PLCE1: variants seen among roughly 807,000 people sequenced by gnomAD.
PLCE1 encodes the protein 1-phosphatidylinositol 4,5-bisphosphate phosphodiesterase epsilon-1.
In PLCE1, 119 loss-of-function variants were observed where a neutral mutation model predicts 242.8. The observed-to-expected ratio is 0.49, with a 90% CI of 0.42 to 0.57. PLCE1 has a LOEUF of 0.57. PLCE1 is among the 20% of genes least tolerant of loss of function. PLCE1 has a pLI of 0.00. For synonymous variants in PLCE1, 945 were observed against 1,017.4 expected (o/e 0.93, Z 1.35); for missense variants, 2,441 against 2,788.8 (o/e 0.88, Z 2.81).
At chr10:94,169,469 G>A (rs542198278) in intron 3 of PLCE1, among the ~76,000 whole-genome samples, 2 of 152,114 alleles carry the variant, frequency 1.3e-5, no homozygotes, top group South Asian at 4.1e-4. Flanking sequence ...AACCTGGGTG[G>A]GCCTTGGAGA....
chr10:93,998,562 A>G (rs1241850748), intron 1 of PLCE1, among the ~76,000 whole-genome samples: 1 of 152,178 alleles, frequency 6.6e-6, no homozygotes, highest in Non-Finnish European at 1.5e-5. Context: ...GTAAAATAGC[A>G]ATAGTAATTG....
chr10:94,253,463 C>T (rs1306318796), intron 9 of PLCE1, among the ~76,000 whole-genome samples: 2 of 152,144 alleles, frequency 1.3e-5, no homozygotes, highest in South Asian at 2.1e-4. Context: ...AAGCTGTTCT[C>T]CTGCCTCAGC....
chr10:93,994,065 A>ACCTCCCGGGCTCTG lies in PLCE1; in HGVS notation c.-539_-526dup, dbSNP rs1031489873. Among the ~76,000 whole-genome samples, 3 of 105,972 alleles carry ACCTCCCGGGCTCTG rather than the reference A, an allele frequency of 2.8e-5. No homozygotes were observed. Among genetic ancestry groups the ACCTCCCGGGCTCTG allele is most frequent in the East Asian group, 2.4e-4 (1 of 4,202 alleles). 69.5% of individuals were successfully genotyped at this position (105,972 alleles called of 152,430 possible). On this transcript the variant is annotated 5_prime_UTR_variant, in exon 1 of 33. Transcript: ENST00000371380. Reference sequence around the variant, plus strand: ...GGCAGCGGCGGCGCGCCCGGGCTCTACCTCCCGGGCTCTGCCTCCCGGGCT... The same window carrying ACCTCCCGGGCTCTG: ...GGCAGCGGCGGCGCGCCCGGGCTCTACCTCCCGGGCTCTGCCTCCCGGGCTCTGCCTCCCGGGCT...
At chr10:94,098,901 A>G (rs2045413689) in intron 2 of PLCE1, among the ~76,000 whole-genome samples, 1 of 152,192 alleles carries the variant, frequency 6.6e-6, no homozygotes, top group Non-Finnish European at 1.5e-5. Context: ...GCTGAGTGCC[A>G]GGCTGTGCAA....
chr10:94,013,810 A>G (rs1419584955), intron 1 of PLCE1, among the ~76,000 whole-genome samples: 1 of 152,206 alleles, frequency 6.6e-6, no homozygotes, highest in Non-Finnish European at 1.5e-5. Flanking sequence ...AGCCTTTCTA[A>G]GGAGATGACA....
intron 1 of PLCE1, among the ~76,000 whole-genome samples, chr10:94,000,106 C>T (rs1001592934): frequency 5.9e-5 from 9 of 152,120 alleles, no homozygotes; most frequent in African/African-American, 1.4e-4. Flanking sequence ...CGGCTTTTAC[C>T]GAGCAGTCCT....
chr10:94,301,828 A>G (rs2053049538), intron 24 of PLCE1, among the ~76,000 whole-genome samples: 1 of 152,218 alleles, frequency 6.6e-6, no homozygotes, highest in East Asian at 1.9e-4. Flanking sequence ...CCAGACTTAC[A>G]ATGTGTAAAC....
At chr10:94,322,359 A>G (rs1223280183) in intron 30 of PLCE1, among the ~76,000 whole-genome samples, 2 of 148,324 alleles carry the variant, frequency 1.3e-5, no homozygotes, top group African/African-American at 4.9e-5. Context: ...TCTCTAATTG[A>G]AAAAAAAAAC....
At chr10:94,284,054 A>G in intron 21 of PLCE1, 143 bp downstream of exon 21, 2 of 940,814 alleles carry the variant, frequency 2.1e-6, no homozygotes, top group South Asian at 2.8e-5. Flanking sequence ...TCACTTGGTG[A>G]TATTAAAAGA....
chr10:94,279,929 C>T lies in PLCE1; in HGVS notation c.4795+18C>T. 1.2e-6 allele frequency: 2 copies of T among 1,612,970 alleles called. No individual in the cohort carries two copies. Among genetic ancestry groups the T allele is most frequent in the Non-Finnish European group, 1.7e-6 (2 of 1,179,260 alleles). On this transcript the variant is annotated intron_variant, in intron 20 of 32. Coordinates refer to ENST00000371380, the MANE Select transcript of PLCE1 (RefSeq NM_016341.4). ...TTCTGATGGTAAGAGAAACAGATCC[C>T]TATGCTGTGCACAGGAAAATTCTTG...
intron 4 of PLCE1, among the ~76,000 whole-genome samples, chr10:94,186,637 T>C (rs912993901): frequency 2.0e-4 from 30 of 152,360 alleles, no homozygotes; most frequent in African/African-American, 7.2e-4. Context: ...AGACTATTCA[T>C]CGGGTTGGCC....
At chr10:94,111,474 C>G (rs1337163679) in intron 2 of PLCE1, among the ~76,000 whole-genome samples, 3 of 152,164 alleles carry the variant, frequency 2.0e-5, no homozygotes, top group African/African-American at 7.2e-5. Context: ...TCCTTAAATT[C>G]CTCCTGACAG....
At chr10:94,292,375 C>T (rs568426891) in intron 22 of PLCE1, among the ~76,000 whole-genome samples, 7 of 152,256 alleles carry the variant, frequency 4.6e-5, no homozygotes, top group African/African-American at 2.4e-5. Flanking sequence ...GGGAGCATTT[C>T]GGATTTTGGA....
rs1460401541 is a variant in PLCE1, at chr10:94,283,658, A to C, written c.4796-132A>C. 4.2e-6 allele frequency: 4 copies of C among 951,364 alleles called. No homozygotes were observed. In the East Asian group the frequency reaches 1.1e-4, roughly 25 times the overall value. 58.9% of individuals were successfully genotyped at this position (951,364 alleles called of 1,614,324 possible). A position where few individuals can be genotyped will look rare whatever the true frequency, so the allele number is the denominator to read the frequency against. The stretch of plus-strand genomic sequence containing the variant: ...TATGCTTCAAGCCATCATTTTGTTA[A>C]CATACTATATAGTTAGAGCCTCATT... On this transcript the variant is annotated intron_variant, in intron 20 of 32. Transcript: ENST00000371380.
intron 2 of PLCE1, among the ~76,000 whole-genome samples, chr10:94,071,495 G>GGTTTTTT (rs2044351689): frequency 1.2e-5 from 1 of 83,316 alleles, no homozygotes; most frequent in Non-Finnish European, 2.1e-5. Flanking sequence ...TTTGGTTTTC[G>GGTTTTTT]TTTTTTTTTT....
At chr10:94,158,610 A>G (rs2047504912) in intron 3 of PLCE1, among the ~76,000 whole-genome samples, 1 of 152,084 alleles carries the variant, frequency 6.6e-6, no homozygotes, top group Admixed American at 6.6e-5. Flanking sequence ...TCACGGTGTT[A>G]TTATAATGGT....
At chr10:94,325,232 G>A in intron 32 of PLCE1, 128 bp downstream of exon 32, 1 of 716,838 alleles carries the variant, frequency 1.4e-6, no homozygotes, top group Non-Finnish European at 2.5e-6. Context: ...AGGTAGGAAT[G>A]GGACCTTAAA....
intron 4 of PLCE1, among the ~76,000 whole-genome samples, chr10:94,194,203 C>T (rs2048752172): frequency 6.6e-6 from 1 of 152,162 alleles, no homozygotes; most frequent in Non-Finnish European, 1.5e-5. Context: ...TAATAAAAAT[C>T]CACCCAGAAC....
chr10:93,996,244 A>G (rs527965786), intron 1 of PLCE1, among the ~76,000 whole-genome samples: 2 of 152,366 alleles, frequency 1.3e-5, no homozygotes, highest in South Asian at 4.1e-4. Context: ...TGGAAGAACA[A>G]TAAAACAGAG....
Sources: gnomAD v4.1 joint callset for allele counts (sites outside exome capture counted in the v4.1 genomes callset) on GRCh38, gnomAD v4.1.1 for gene constraint, MANE v1.5 for transcripts, NCBI Gene and HGNC (gene_info 2026-07-23, HGNC 2026-07-21) for gene names.